MTMR10: variants seen among roughly 807,000 people sequenced by gnomAD.
MTMR10 encodes myotubularin-related protein 10.
Under a neutral mutation model 88.1 loss-of-function variants are expected in MTMR10, and 56 were observed. The ratio of observed to expected loss-of-function variants is 0.64; its 90% CI spans 0.51 to 0.79. The LOEUF (loss-of-function observed/expected upper bound fraction) is 0.79. Among genes scored for constraint, MTMR10 ranks in the 30% least tolerant of loss-of-function variants. The pLI is 0.00. For missense variants in MTMR10, 883 were observed against 924.7 expected (o/e 0.95, Z 0.58); for synonymous variants, 380 against 340.9 (o/e 1.11, Z -1.26).
At chr15:30,974,843 C>A in intron 4 of MTMR10, 88 bp downstream of exon 4, 1 of 941,412 alleles carries the variant, frequency 1.1e-6, no homozygotes, top group Non-Finnish European at 1.5e-6. Context: ...AATAAAACGC[C>A]AATCCAAGTA....
At chr15:30,929,870 T>A in the MTMR10 span, among the ~76,000 whole-genome samples, 1 of 92,162 alleles carries the variant, frequency 1.1e-5, no homozygotes, top group Non-Finnish European at 1.9e-5. Flanking sequence ...ATAATATATA[T>A]AAAATATATA....
chr15:30,939,628 A>C lies in MTMR10; in HGVS notation c.*1842T>G. On this transcript the variant is annotated 3_prime_UTR_variant, in exon 16 of 16. Coordinates refer to ENST00000435680, the MANE Select transcript of MTMR10 (RefSeq NM_017762.3). ...GTACCTAATATTTTTAAACTTGTAA[A>C]TTAACAACAATAAAATACTACAAGA... 2 of 924,044 alleles carry C rather than the reference A, an allele frequency of 2.2e-6. No homozygotes were observed. The highest frequency in any genetic ancestry group is 2.6e-6 in the Non-Finnish European group (2 of 778,216). The allele number at this position is 924,044 out of a possible 1,614,324, so 57.2% of individuals were successfully genotyped here.
At chr15:30,976,337 C>G (rs2030151357) in intron 3 of MTMR10, among the ~76,000 whole-genome samples, 1 of 151,914 alleles carries the variant, frequency 6.6e-6, no homozygotes, top group Non-Finnish European at 1.5e-5. Flanking sequence ...AGGAAGCAGA[C>G]AGAGGTTGCA....
chr15:30,927,192 G>T, the MTMR10 span: 35 of 972,504 alleles, frequency 3.6e-5, no homozygotes, highest in Non-Finnish European at 4.0e-5. Flanking sequence ...CTGGGTGACA[G>T]AGTGAGACCC....
the MTMR10 span, among the ~76,000 whole-genome samples, chr15:30,920,058 G>A: frequency 2.0e-5 from 3 of 152,174 alleles, no homozygotes; most frequent in African/African-American, 7.2e-5. Flanking sequence ...GGTTTCTGTG[G>A]CACCAACTTT....
At chr15:30,984,025 A>G (rs375336672) in intron 2 of MTMR10, among the ~76,000 whole-genome samples, 2 of 152,212 alleles carry the variant, frequency 1.3e-5, no homozygotes. Flanking sequence ...ATGTGTGATA[A>G]TAACAGTAAC....
chr15:30,939,448 C>A lies in MTMR10; in HGVS notation c.*2022G>T. On this transcript the variant is annotated 3_prime_UTR_variant, in exon 16 of 16. Transcript: ENST00000435680. ...GTGGTATAAGCAGCTTCACCCTGGC[C>A]CGACTGAAGGCTGTCATAGTTGTTT... 1.0e-6 allele frequency: 1 copy of A among 985,374 alleles called. No individual in the cohort carries two copies. Among genetic ancestry groups the A allele is most frequent in the Non-Finnish European group, 1.2e-6 (1 of 829,924 alleles). 61.0% of individuals were successfully genotyped at this position (985,374 alleles called of 1,614,324 possible).
In MTMR10 at chr15:30,939,636, C is replaced by G. The variant is rs2062970998; in HGVS notation, c.*1834G>C. The G allele has an allele frequency of 1.1e-6, 1 of 907,376 alleles. No individual in the cohort carries two copies. Among genetic ancestry groups the G allele is most frequent in the African/African-American group, 2.0e-5 (1 of 49,750 alleles). 56.2% of individuals were successfully genotyped at this position (907,376 alleles called of 1,614,324 possible). A position where few individuals can be genotyped will look rare whatever the true frequency, so the allele number is the denominator to read the frequency against. The stretch of plus-strand genomic sequence containing the variant: ...TATTTTTAAACTTGTAAATTAACAA[C>G]AATAAAATACTACAAGAGTTAAAAT... On this transcript the variant is annotated 3_prime_UTR_variant, in exon 16 of 16. Transcript: ENST00000435680.
chr15:30,966,728 A>T (rs1566959103), intron 6 of MTMR10, among the ~76,000 whole-genome samples: 3 of 152,078 alleles, frequency 2.0e-5, no homozygotes, highest in East Asian at 3.9e-4. Flanking sequence ...CTCAGTTACA[A>T]TTATGTATAT....
intron 2 of MTMR10, among the ~76,000 whole-genome samples, chr15:30,981,457 G>T (rs2030564624): frequency 6.6e-6 from 1 of 152,182 alleles, no homozygotes; most frequent in Non-Finnish European, 1.5e-5. Context: ...CACCTCTGTG[G>T]GTCTTTCCCA....
At position 30,984,231 on chromosome 15, in the gene MTMR10, A is replaced by G. The variant is rs564589654; in HGVS notation, c.121+6546T>C. 2.6e-5 allele frequency among the ~76,000 whole-genome samples: 4 copies of G among 152,316 alleles called. No individual in the cohort carries two copies. The Middle Eastern group carries it at 0.014, about 518-fold the overall frequency. ...TGGAGGTTCATGAACGGTGTTGACA[A>G]CGATAGTGAGGAGTTTGGAGGGGTA... On this transcript the variant is annotated intron_variant, in intron 2 of 15. Coordinates refer to ENST00000435680, the MANE Select transcript of MTMR10 (RefSeq NM_017762.3).
At position 30,940,985 on chromosome 15, in the gene MTMR10, C is replaced by T; in HGVS notation, c.*485G>A. 8.8e-7 allele frequency: 1 copy of T among 1,131,472 alleles called. No homozygotes were observed. 70.1% of individuals were successfully genotyped at this position (1,131,472 alleles called of 1,614,324 possible). Reference sequence around the variant, plus strand: ...AATCATAAATTCTGGCCCCAGAACACTGAACCTTCATCAGGTGAGTTCAAT... The same window carrying T: ...AATCATAAATTCTGGCCCCAGAACATTGAACCTTCATCAGGTGAGTTCAAT... On this transcript the variant is annotated 3_prime_UTR_variant, in exon 16 of 16. Transcript: ENST00000435680.
intron 6 of MTMR10, among the ~76,000 whole-genome samples, chr15:30,963,413 A>G (rs947816349): frequency 1.2e-4 from 18 of 152,054 alleles, no homozygotes; most frequent in African/African-American, 4.1e-4. Flanking sequence ...GGCGGATCAC[A>G]AGGTCAGGAG....
At chr15:30,937,086 A>G, downstream of MTMR10, 1 of 1,588,718 alleles carries the variant, frequency 6.3e-7, no homozygotes, top group Non-Finnish European at 8.6e-7. Flanking sequence ...TCAGTAAGAT[A>G]CTAATAACAA....
At chr15:30,962,241 GATT>G (rs1274755539) in intron 6 of MTMR10, among the ~76,000 whole-genome samples, 1 of 152,184 alleles carries the variant, frequency 6.6e-6, no homozygotes, top group Non-Finnish European at 1.5e-5. Flanking sequence ...CCTGCAAAGT[GATT>G]ATTGAGAAAC....
At chr15:30,925,288 A>G in the MTMR10 span, 1 of 1,613,820 alleles carries the variant, frequency 6.2e-7, no homozygotes, top group Admixed American at 1.7e-5. Flanking sequence ...AAGATGTGAA[A>G]CACGTGAGGA....
downstream of MTMR10, among the ~76,000 whole-genome samples, chr15:30,935,361 A>G (rs186513881): frequency 4.6e-5 from 7 of 152,278 alleles, no homozygotes; most frequent in Admixed American, 4.6e-4. Context: ...AAGTTCTGCT[A>G]GTAATGAATT....
the MTMR10 span, chr15:30,928,539 T>TGTGTGTGTGA: frequency 1.9e-6 from 3 of 1,611,326 alleles, no homozygotes; most frequent in Admixed American, 1.7e-5. Context: ...TGTGTGTGTG[T>TGTGTGTGTGA]GACCTTGTCT....
At chr15:30,967,794 C>T in intron 6 of MTMR10, 126 bp downstream of exon 6, 1 of 727,468 alleles carries the variant, frequency 1.4e-6, no homozygotes, top group Non-Finnish European at 2.2e-6. Context: ...GTGCTTACTT[C>T]TCTAAGGTAT....
Sources: gnomAD v4.1 joint callset for allele counts (sites outside exome capture counted in the v4.1 genomes callset) on GRCh38, gnomAD v4.1.1 for gene constraint, MANE v1.5 for transcripts, NCBI Gene and HGNC (gene_info 2026-07-23, HGNC 2026-07-21) for gene names.